GSE1: variants seen among roughly 807,000 people sequenced by gnomAD.
GSE1 encodes the protein Gse1 coiled-coil protein.
In GSE1, 32 loss-of-function variants were observed where a neutral mutation model predicts 112.6. The ratio of observed to expected loss-of-function variants is 0.28; its 90% confidence interval spans 0.21 to 0.38. The LOEUF is 0.38. Among genes scored for constraint, GSE1 ranks in the 10% least tolerant of loss-of-function variants. The probability of loss-of-function intolerance (pLI) is 1.00; values close to 1 mark genes in which losing one functional copy is unlikely to be tolerated. For missense variants in GSE1, 2,348 were observed against 1,699.2 expected (o/e 1.38, Z -6.71); for synonymous variants, 1,115 against 735.6 (o/e 1.52, Z -8.35).
At chr16:85,610,678 C>T (rs1360132463), upstream of GSE1, among the ~76,000 whole-genome samples, 1 of 152,160 alleles carries the variant, frequency 6.6e-6, no homozygotes, top group African/African-American at 2.4e-5. Flanking sequence ...CGGCTCGCTG[C>T]TGCCCCCCGG....
At chr16:85,408,397 A>G (rs1218934278) in intron 2 of GSE1, among the ~76,000 whole-genome samples, 21 of 27,806 alleles carry the variant, frequency 7.6e-4, no homozygotes, top group African/African-American at 4.8e-3. Flanking sequence ...GGTCCCTCTG[A>G]TAATCCTCAC....
chr16:85,173,734 T>G (rs1326764857), intron 1 of GSE1, among the ~76,000 whole-genome samples: 1 of 152,180 alleles, frequency 6.6e-6, no homozygotes, highest in East Asian at 1.9e-4. Flanking sequence ...CGGCCTTGAC[T>G]GATAAGAACG....
intron 1 of GSE1, among the ~76,000 whole-genome samples, chr16:85,258,915 G>A (rs1907371192): frequency 6.6e-6 from 1 of 152,216 alleles, no homozygotes; most frequent in Non-Finnish European, 1.5e-5. Context: ...CCGCGTGGTT[G>A]CTATGGCAAT....
At chr16:85,439,436 G>T (rs543382791) in intron 2 of GSE1, among the ~76,000 whole-genome samples, 147 of 152,336 alleles carry the variant, frequency 9.6e-4, no homozygotes, top group Non-Finnish European at 1.8e-3. Flanking sequence ...GGCTCAAATG[G>T]CCGAGCAGGA....
rs761712147 is a variant in GSE1, at chr16:85,634,081, A to T, written c.175A>T (p.Ser59Cys). The T allele has an allele frequency of 1.2e-6, 2 of 1,600,378 alleles. No individual in the cohort carries two copies. The highest frequency in any genetic ancestry group is 2.7e-5 in the African/African-American group (2 of 74,426). Reference protein sequence around the residue: ...ALSAQAAPSSSFAAALRKLAK... With the variant: ...ALSAQAAPSSCFAAALRKLAK... ...GTCGGCCCAGGCCGCGCCATCCTCC[A>T]GCTTTGCCGCCGCGCTGCGCAAGCT... Residue 59 changes from serine to cysteine, a missense_variant, in exon 2 of 16, where the codon AGC becomes TGC. Ser to Cys is a moderately radical substitution (Grantham distance 112). Transcript: ENST00000253458.
intron 2 of GSE1, among the ~76,000 whole-genome samples, chr16:85,416,291 G>T (rs2048700624): frequency 6.6e-6 from 1 of 152,240 alleles, no homozygotes; most frequent in South Asian, 2.1e-4. Context: ...CCTGCTGGAG[G>T]AGGGAGGGGC....
At chr16:85,404,356 A>T (rs1234439814) in intron 2 of GSE1, among the ~76,000 whole-genome samples, 6 of 43,984 alleles carry the variant, frequency 1.4e-4, no homozygotes, top group Admixed American at 2.2e-4. Flanking sequence ...TCACCGTTAC[A>T]CTCAGGGCCC....
chr16:85,361,978 C>G (rs2047091945), intron 2 of GSE1, among the ~76,000 whole-genome samples: 1 of 152,240 alleles, frequency 6.6e-6, no homozygotes, highest in Non-Finnish European at 1.5e-5. Context: ...TGGCCAGGCT[C>G]TCACCATGTG....
chr16:85,310,347 AC>A, intron 1 of GSE1, among the ~76,000 whole-genome samples: 1 of 152,250 alleles, frequency 6.6e-6, no homozygotes, highest in East Asian at 1.9e-4. Flanking sequence ...ATATGTGTGA[AC>A]CAGCTGGCGA....
chr16:85,291,694 C>A (rs1181255798), intron 1 of GSE1, among the ~76,000 whole-genome samples: 1 of 152,186 alleles, frequency 6.6e-6, no homozygotes, highest in Non-Finnish European at 1.5e-5. Context: ...GGAGACCCTC[C>A]CTACACTGCC....
chr16:85,474,732 C>G (rs1326950491), intron 2 of GSE1, among the ~76,000 whole-genome samples: 5 of 151,004 alleles, frequency 3.3e-5, no homozygotes, highest in African/African-American at 9.7e-5. Context: ...CTCCCACCTT[C>G]TCCTCCCCAA....
At chr16:85,655,977 G>A in intron 6 of GSE1, 60 bp downstream of exon 6, 1 of 1,399,350 alleles carries the variant, frequency 7.1e-7, no homozygotes, top group Non-Finnish European at 9.8e-7. Context: ...TGGCAGCTGG[G>A]CAGAAAGCCT....
intron 2 of GSE1, among the ~76,000 whole-genome samples, chr16:85,644,758 C>T (rs912334453): frequency 4.0e-5 from 6 of 151,838 alleles, no homozygotes; most frequent in Admixed American, 6.6e-5. Flanking sequence ...GTGCTAGAAC[C>T]GTGGGGCCGC....
At chr16:85,306,275 G>A (rs993027276) in intron 1 of GSE1, 2 of 154,180 alleles carry the variant, frequency 1.3e-5, no homozygotes, top group Non-Finnish European at 2.9e-5. Context: ...CCTAGCTCAG[G>A]AAGGAGGCTG....
intron 2 of GSE1, among the ~76,000 whole-genome samples, chr16:85,365,574 G>T (rs1446137838): frequency 6.6e-6 from 1 of 152,208 alleles, no homozygotes; most frequent in Non-Finnish European, 1.5e-5. Context: ...GAGCGTCCTT[G>T]GGGACCACAT....
intron 1 of GSE1, among the ~76,000 whole-genome samples, chr16:85,269,775 G>A (rs980593440): frequency 1.3e-5 from 2 of 149,306 alleles, no homozygotes; most frequent in African/African-American, 4.8e-5. Context: ...GTCTGCTGGG[G>A]TCTCTGGGCT....
intron 2 of GSE1, among the ~76,000 whole-genome samples, chr16:85,533,139 G>A (rs28584843): frequency 0.01 from 1,541 of 152,134 alleles, 32 homozygotes; most frequent in African/African-American, 0.036. Flanking sequence ...TTGGCCGGGC[G>A]TGGTGGCTCA....
intron 1 of GSE1, among the ~76,000 whole-genome samples, chr16:85,262,127 G>GC (rs1471953689): frequency 6.6e-6 from 1 of 152,188 alleles, no homozygotes; most frequent in African/African-American, 2.4e-5. Flanking sequence ...TGCTTGGAAT[G>GC]CCCCAAACAA....
chr16:85,194,687 A>T (rs1484468925), intron 1 of GSE1, among the ~76,000 whole-genome samples: 3 of 152,196 alleles, frequency 2.0e-5, no homozygotes, highest in Admixed American at 6.5e-5. Context: ...CTTTGGCTGC[A>T]GGACTTATCA....
Sources: allele counts gnomAD v4.1 joint callset (sites outside exome capture counted in the v4.1 genomes callset), GRCh38; gene constraint gnomAD v4.1.1; transcripts MANE v1.5; gene names NCBI Gene and HGNC (gene_info 2026-07-23, HGNC 2026-07-21).